The following MYOCD variants were observed in gnomAD, a reference collection of about 807,000 sequenced individuals.
MYOCD encodes the protein myocardin.
Under a neutral mutation model 96.1 loss-of-function variants are expected in MYOCD, and 32 were observed. The ratio of observed to expected loss-of-function variants is 0.33; its 90% confidence interval spans 0.25 to 0.45. MYOCD has a LOEUF of 0.45. Ranked by LOEUF, MYOCD falls within the 20% of genes least tolerant of loss-of-function variation. The probability of loss-of-function intolerance (pLI) is 1.00; values close to 1 mark genes in which losing one functional copy is unlikely to be tolerated. For synonymous variants in MYOCD, 469 were observed against 469.0 expected, an observed-to-expected ratio of 1.00 and a Z score of 0.00; for missense variants, 1,133 against 1,200.6, an observed-to-expected ratio of 0.94 and a Z score of 0.83.
intron 1 of MYOCD, among the ~76,000 whole-genome samples, chr17:12,678,065 G>A (rs1014518359): frequency 2.6e-5 from 4 of 151,172 alleles, no homozygotes; most frequent in Admixed American, 2.6e-4. Context: ...GCTAATTTTT[G>A]TATTTTTAGT....
chr17:12,699,586 C>G (rs921969075), intron 1 of MYOCD, among the ~76,000 whole-genome samples: 1 of 152,110 alleles, frequency 6.6e-6, no homozygotes, highest in African/African-American at 2.4e-5. Context: ...TCATATTTAC[C>G]AGGACAACAA....
intron 5 of MYOCD, among the ~76,000 whole-genome samples, chr17:12,731,480 A>G (rs1444262453): frequency 6.6e-6 from 1 of 152,148 alleles, no homozygotes; most frequent in Non-Finnish European, 1.5e-5. Context: ...GATGATGTTA[A>G]ACTTGAGACA....
At chr17:12,677,161 A>G (rs1322809909) in intron 1 of MYOCD, among the ~76,000 whole-genome samples, 2 of 152,180 alleles carry the variant, frequency 1.3e-5, no homozygotes, top group South Asian at 2.1e-4. Flanking sequence ...ACAGAAAACC[A>G]GATACCACAT....
chr17:12,740,092 T>C (rs1238726927), intron 7 of MYOCD, among the ~76,000 whole-genome samples: 1 of 152,102 alleles, frequency 6.6e-6, no homozygotes, highest in African/African-American at 2.4e-5. Flanking sequence ...CCCGCCACCA[T>C]GCCCGGCTAA....
intron 4 of MYOCD, among the ~76,000 whole-genome samples, chr17:12,718,764 G>A (rs74424192): frequency 0.02 from 3,057 of 152,252 alleles, 148 homozygotes; most frequent in Admixed American, 0.11. Context: ...CTCAAAGGGA[G>A]GTGACAGAAT....
intron 6 of MYOCD, among the ~76,000 whole-genome samples, chr17:12,738,619 T>C (rs961553499): frequency 1.3e-5 from 2 of 151,828 alleles, no homozygotes; most frequent in African/African-American, 4.8e-5. Flanking sequence ...CACACATACA[T>C]GCACATATAA....
intron 1 of MYOCD, among the ~76,000 whole-genome samples, chr17:12,703,768 T>G (rs1351735251): frequency 6.6e-6 from 1 of 152,158 alleles, no homozygotes; most frequent in African/African-American, 2.4e-5. Context: ...TTTCATCTTT[T>G]TTCTCTCTCT....
intron 12 of MYOCD, 151 bp downstream of exon 12, chr17:12,758,364 A>G: frequency 8.5e-7 from 1 of 1,175,234 alleles, no homozygotes; most frequent in South Asian, 1.5e-5. Flanking sequence ...CTAGACAATA[A>G]TTGGAAAACA....
intron 2 of MYOCD, among the ~76,000 whole-genome samples, chr17:12,707,921 A>T (rs1398587406): frequency 1.3e-5 from 2 of 152,108 alleles, no homozygotes; most frequent in African/African-American, 4.8e-5. Context: ...TGATTTTCTA[A>T]TTTTTTAATT....
At chr17:12,681,731 G>A (rs1039199913) in intron 1 of MYOCD, among the ~76,000 whole-genome samples, 1 of 152,158 alleles carries the variant, frequency 6.6e-6, no homozygotes, top group Non-Finnish European at 1.5e-5. Flanking sequence ...GTGCTCTCCT[G>A]TAAGAGTCAC....
chr17:12,678,171 G>T (rs2150636013), intron 1 of MYOCD, among the ~76,000 whole-genome samples: 1 of 152,136 alleles, frequency 6.6e-6, no homozygotes, highest in South Asian at 2.1e-4. Flanking sequence ...GATTACAGGT[G>T]TGAGCCACCG....
chr17:12,682,378 T>C (rs1451969375), intron 1 of MYOCD, among the ~76,000 whole-genome samples: 1 of 152,182 alleles, frequency 6.6e-6, no homozygotes, highest in Non-Finnish European at 1.5e-5. Context: ...GTGGTCCTGC[T>C]TGTTACTTTC....
chr17:12,744,133 A>C (rs753411944), intron 7 of MYOCD, 50 bp from the exon 8 acceptor site: 2 of 1,584,190 alleles, frequency 1.3e-6, no homozygotes, highest in East Asian at 2.2e-5. Context: ...ATGCAAAATC[A>C]TTCTCAGCCA....
chr17:12,702,706 G>C (rs564822626), intron 1 of MYOCD, among the ~76,000 whole-genome samples: 1 of 151,460 alleles, frequency 6.6e-6, no homozygotes, highest in East Asian at 1.9e-4. Context: ...TACACCCTTT[G>C]TGTTTTTATT....
rs1224801803 is a variant in MYOCD at position 12,700,459 on chromosome 17, G to T, written c.56-4669G>T. Among the ~76,000 whole-genome samples the T allele has an allele frequency of 2.6e-5, 3 of 115,048 alleles. No homozygotes were observed. In the East Asian group the frequency reaches 8.3e-4, roughly 32 times the overall value. 75.5% of individuals were successfully genotyped at this position (115,048 alleles called of 152,430 possible). ...GGAGTCTCACTCTGTTGCCCAGACT[G>T]CTGGAGTGCAGTGGCGCGATCTCAG... On this transcript the variant is annotated intron_variant, in intron 1 of 13. Coordinates refer to ENST00000425538, the MANE Select transcript of MYOCD (RefSeq NM_001146312.3).
intron 1 of MYOCD, among the ~76,000 whole-genome samples, chr17:12,683,444 C>T (rs747013004): frequency 5.9e-5 from 9 of 152,170 alleles, no homozygotes; most frequent in Non-Finnish European, 1.0e-4. Context: ...CTTCCTCTGT[C>T]GCTTTCTCTC....
At position 12,744,231 on chromosome 17, in the gene MYOCD, C is replaced by G; in HGVS notation, c.766C>G (p.Pro256Ala). Residue 256 changes from proline (P) to alanine (A), a missense_variant, in exon 8 of 14, where the codon CCC becomes GCC. By Grantham distance (27) the Pro-to-Ala change is conservative. Coordinates refer to ENST00000425538, the MANE Select transcript of MYOCD (RefSeq NM_001146312.3). The stretch of plus-strand genomic sequence containing the variant: ...GAACCGCCACAAAAAGCCCAAGGAC[C>G]CCAAGCCAAAGGTGAAGAAGCTTAA... The part of the protein sequence containing the change: ...SKNRHKKPKD[P>A]KPKVKKLKYH... 1 of 1,614,104 alleles carries G rather than the reference C, an allele frequency of 6.2e-7. No individual in the cohort carries two copies. Among genetic ancestry groups the G allele is most frequent in the East Asian group, 2.2e-5 (1 of 44,874 alleles).
At chr17:12,676,801 G>C (rs1306402355) in intron 1 of MYOCD, among the ~76,000 whole-genome samples, 1 of 152,152 alleles carries the variant, frequency 6.6e-6, no homozygotes, top group Non-Finnish European at 1.5e-5. Flanking sequence ...TATGCCATCT[G>C]GCTGACTTGG....
chr17:12,738,446 C>A (rs746560211), intron 6 of MYOCD, among the ~76,000 whole-genome samples: 38 of 152,056 alleles, frequency 2.5e-4, no homozygotes, highest in Non-Finnish European at 4.4e-4. Flanking sequence ...CACATGCATG[C>A]GCACGCACAC....
Sources: gnomAD v4.1 joint callset for allele counts (sites outside exome capture counted in the v4.1 genomes callset) on GRCh38, gnomAD v4.1.1 for gene constraint, MANE v1.5 for transcripts, NCBI Gene and HGNC (gene_info 2026-07-23, HGNC 2026-07-21) for gene names.